Variants in CNTNAP2 observed in about 807,000 individuals in gnomAD.
The protein encoded by CNTNAP2 is contactin associated protein 2, also known as contactin-associated protein-like 2.
CNTNAP2 carries 98 observed loss-of-function variants against 155.2 expected under a neutral mutation model. The observed-to-expected ratio is 0.63, with a 90% CI of 0.54 to 0.75. The LOEUF is 0.75. CNTNAP2 is among the 30% of genes least tolerant of loss of function. The pLI, the probability that CNTNAP2 is intolerant of heterozygous loss-of-function variation, is 0.00. For synonymous variants in CNTNAP2, 651 were observed against 631.2 expected, an observed-to-expected ratio of 1.03 and a Z score of -0.47; for missense variants, 1,727 against 1,688.1, an observed-to-expected ratio of 1.02 and a Z score of -0.40.
chr7:147,368,215 A>C (rs1796277866), intron 9 of CNTNAP2, among the ~76,000 whole-genome samples: 1 of 151,728 alleles, frequency 6.6e-6, no homozygotes, highest in African/African-American at 2.4e-5. Flanking sequence ...ATTAGTCACC[A>C]TGTGCTAGCT....
At chr7:147,591,897 T>G (rs980954091) in intron 12 of CNTNAP2, among the ~76,000 whole-genome samples, 3 of 152,178 alleles carry the variant, frequency 2.0e-5, no homozygotes, top group Non-Finnish European at 4.4e-5. Context: ...TTTCTTTGCC[T>G]GAAATTTCAT....
intron 9 of CNTNAP2, among the ~76,000 whole-genome samples, chr7:147,381,371 A>C (rs1796532770): frequency 6.6e-6 from 1 of 152,192 alleles, no homozygotes; most frequent in Admixed American, 6.6e-5. Context: ...CATAGTAATT[A>C]AGCAAATGTT....
At chr7:146,133,149 T>G (rs1009989479) in intron 1 of CNTNAP2, among the ~76,000 whole-genome samples, 2 of 151,874 alleles carry the variant, frequency 1.3e-5, no homozygotes, top group Non-Finnish European at 2.9e-5. Context: ...TGATTTGCAT[T>G]TCTCTGATGG....
chr7:146,519,742 G>A (rs376037588), intron 1 of CNTNAP2, among the ~76,000 whole-genome samples: 5 of 151,802 alleles, frequency 3.3e-5, no homozygotes, highest in African/African-American at 9.7e-5. Context: ...TTACCGCATC[G>A]TCTCACTGAG....
intron 3 of CNTNAP2, among the ~76,000 whole-genome samples, chr7:146,882,409 G>A (rs1795569838): frequency 6.6e-6 from 1 of 151,926 alleles, no homozygotes; most frequent in Admixed American, 6.6e-5. Context: ...GTTAGGGGAG[G>A]GACTTCATGG....
chr7:147,988,098 G>T (rs1262461471), intron 15 of CNTNAP2, among the ~76,000 whole-genome samples: 1 of 152,154 alleles, frequency 6.6e-6, no homozygotes, highest in African/African-American at 2.4e-5. Context: ...GAGGGTGGTG[G>T]GGGTAGGGGT....
chr7:147,621,669 A>C (rs954238618), intron 12 of CNTNAP2, among the ~76,000 whole-genome samples: 2 of 152,028 alleles, frequency 1.3e-5, no homozygotes, highest in Non-Finnish European at 1.5e-5. Flanking sequence ...CAAGAAACTA[A>C]ATTATACCAC....
intron 1 of CNTNAP2, among the ~76,000 whole-genome samples, chr7:146,651,566 C>T (rs1322857213): frequency 6.6e-6 from 1 of 152,116 alleles, no homozygotes; most frequent in East Asian, 1.9e-4. Flanking sequence ...TTACTAACAA[C>T]TCAGAAATTT....
intron 15 of CNTNAP2, among the ~76,000 whole-genome samples, chr7:148,053,538 A>T (rs2116498334): frequency 6.6e-6 from 1 of 152,316 alleles, no homozygotes; most frequent in African/African-American, 2.4e-5. Context: ...AACTCCTGCC[A>T]ATTTTGTGAA....
At chr7:148,256,684 G>A (rs1482574308) in intron 20 of CNTNAP2, among the ~76,000 whole-genome samples, 3 of 152,096 alleles carry the variant, frequency 2.0e-5, no homozygotes, top group African/African-American at 4.8e-5. Context: ...CATGCGCAGG[G>A]GATTTTCTGT....
At chr7:146,500,988 T>A (rs1023187621) in intron 1 of CNTNAP2, among the ~76,000 whole-genome samples, 2 of 152,124 alleles carry the variant, frequency 1.3e-5, no homozygotes, top group Non-Finnish European at 2.9e-5. Context: ...TGAGGAATTT[T>A]TTTCTTAATT....
At chr7:147,823,830 TA>T (rs1277304190) in intron 13 of CNTNAP2, among the ~76,000 whole-genome samples, 1 of 152,110 alleles carries the variant, frequency 6.6e-6, no homozygotes, top group Non-Finnish European at 1.5e-5. Context: ...GCAAAAGTAG[TA>T]AAGTTCTCTT....
At chr7:146,815,739 A>G (rs1290408292) in intron 2 of CNTNAP2, among the ~76,000 whole-genome samples, 1 of 151,136 alleles carries the variant, frequency 6.6e-6, no homozygotes, top group Admixed American at 6.6e-5. Context: ...TTTGAAGATT[A>G]AATGTAGTAA....
chr7:147,624,025 C>CG (rs1299731484), intron 12 of CNTNAP2, among the ~76,000 whole-genome samples: 1 of 152,002 alleles, frequency 6.6e-6, no homozygotes, highest in Non-Finnish European at 1.5e-5. Flanking sequence ...ACAGTCTCTT[C>CG]AATAAATGGT....
intron 13 of CNTNAP2, among the ~76,000 whole-genome samples, chr7:147,653,772 A>G (rs1795485130): frequency 6.6e-6 from 1 of 152,202 alleles, no homozygotes; most frequent in Non-Finnish European, 1.5e-5. Context: ...TATATTTAGT[A>G]TTTCATAAAT....
chr7:147,857,593 A>G (rs1304621067), intron 13 of CNTNAP2, among the ~76,000 whole-genome samples: 1 of 152,232 alleles, frequency 6.6e-6, no homozygotes. Context: ...AAGACAACAA[A>G]TGGCCAAGAA....
chr7:147,535,487 G>GA (rs1799523398), intron 11 of CNTNAP2, among the ~76,000 whole-genome samples: 1 of 152,176 alleles, frequency 6.6e-6, no homozygotes, highest in African/African-American at 2.4e-5. Flanking sequence ...TATGACAGTG[G>GA]AAAAAGATTT....
intron 1 of CNTNAP2, among the ~76,000 whole-genome samples, chr7:146,517,757 T>G (rs1297334399): frequency 1.3e-5 from 2 of 151,870 alleles, no homozygotes; most frequent in Non-Finnish European, 2.9e-5. Flanking sequence ...TTAGTTCAAT[T>G]GATAGCACAA....
At chr7:147,885,523 A>C (rs1585010374) in intron 13 of CNTNAP2, among the ~76,000 whole-genome samples, 1 of 149,940 alleles carries the variant, frequency 6.7e-6, no homozygotes, top group Non-Finnish European at 1.5e-5. Context: ...ACCCCCCGCC[A>C]CCCCGCCCCA....
Sources: allele counts gnomAD v4.1 joint callset (sites outside exome capture counted in the v4.1 genomes callset), GRCh38; gene constraint gnomAD v4.1.1; transcripts MANE v1.5; gene names NCBI Gene and HGNC (gene_info 2026-07-23, HGNC 2026-07-21).